The following ROBO2 variants were observed in gnomAD, a reference collection of about 807,000 sequenced individuals.
The protein encoded by ROBO2 is roundabout guidance receptor 2.
ROBO2 carries 53 observed loss-of-function variants against 160.8 expected under a neutral mutation model. The observed-to-expected ratio is 0.33, with a 90% CI of 0.26 to 0.41. The LOEUF (loss-of-function observed/expected upper bound fraction) is 0.41. Among genes scored for constraint, ROBO2 ranks in the 10% least tolerant of loss-of-function variants. The pLI is 1.00. For synonymous variants in ROBO2, 664 were observed against 611.7 expected, an observed-to-expected ratio of 1.09 and a Z score of -1.26; for missense variants, 1,577 against 1,722.4, an observed-to-expected ratio of 0.92 and a Z score of 1.49.
intron 2 of ROBO2, among the ~76,000 whole-genome samples, chr3:76,751,303 C>G (rs2060627871): frequency 6.6e-6 from 1 of 152,038 alleles, no homozygotes; most frequent in Non-Finnish European, 1.5e-5. Context: ...AAAACTAATT[C>G]AAGATGGATT....
chr3:77,068,657 T>C lies in ROBO2; in HGVS notation c.61+27811T>C, dbSNP rs143853958. Among the ~76,000 whole-genome samples, 91 of 152,200 alleles carry C rather than the reference T, an allele frequency of 6.0e-4. No individual in the cohort carries two copies. The Middle Eastern group carries it at 0.014, about 23-fold the overall frequency. On this transcript the variant is annotated intron_variant, in intron 1 of 25. Transcript: ENST00000461745. ...TTACTGATTTGTGAGAAAGAATGAA[T>C]GGCAACAAAAGAGCATGAGGGAGGG...
intron 2 of ROBO2, among the ~76,000 whole-genome samples, chr3:76,333,335 C>T (rs1015143457): frequency 6.6e-6 from 1 of 152,110 alleles, no homozygotes; most frequent in Non-Finnish European, 1.5e-5. Context: ...ACTCTCTTTC[C>T]CTTCTGCAAG....
intron 2 of ROBO2, among the ~76,000 whole-genome samples, chr3:76,790,402 G>C (rs1222907253): frequency 6.6e-6 from 1 of 151,712 alleles, no homozygotes. Context: ...TTTCAAACAT[G>C]ACTGCAATGG....
chr3:77,331,298 A>G (rs2065939168), intron 2 of ROBO2, among the ~76,000 whole-genome samples: 1 of 152,226 alleles, frequency 6.6e-6, no homozygotes, highest in African/African-American at 2.4e-5. Flanking sequence ...CATCTTAGGA[A>G]CCAGGCAATA....
chr3:75,942,795 G>A (rs78174715), intron 2 of ROBO2, among the ~76,000 whole-genome samples: 1 of 152,110 alleles, frequency 6.6e-6, no homozygotes, highest in Non-Finnish European at 1.5e-5. Context: ...TTTAAAGACA[G>A]TATACTTTTG....
chr3:76,745,896 A>T (rs967149516), intron 2 of ROBO2, among the ~76,000 whole-genome samples: 45 of 150,310 alleles, frequency 3.0e-4, no homozygotes, highest in Non-Finnish European at 5.9e-5. Context: ...GGTTAGTTAC[A>T]TATGTATACA....
intron 2 of ROBO2, among the ~76,000 whole-genome samples, chr3:76,120,236 A>AGGTGATCCGCCCACCTCGGCCT (rs1220694899): frequency 6.6e-6 from 1 of 152,014 alleles, no homozygotes; most frequent in Non-Finnish European, 1.5e-5. Context: ...TCCTGACCTC[A>AGGTGATCCGCCCACCTCGGCCT]GGTGATCCGC....
intron 2 of ROBO2, among the ~76,000 whole-genome samples, chr3:77,337,887 T>G (rs1192232248): frequency 6.6e-6 from 1 of 152,178 alleles, no homozygotes; most frequent in Non-Finnish European, 1.5e-5. Context: ...TTCTGCTTCC[T>G]TGGCAGAAAA....
At chr3:76,548,574 GA>G (rs1274876724) in intron 2 of ROBO2, among the ~76,000 whole-genome samples, 1 of 151,608 alleles carries the variant, frequency 6.6e-6, no homozygotes, top group East Asian at 1.9e-4. Flanking sequence ...GAAATCTTGA[GA>G]AATAAATATG....
intron 2 of ROBO2, among the ~76,000 whole-genome samples, chr3:77,293,873 A>T (rs2061647393): frequency 7.0e-6 from 1 of 141,884 alleles, no homozygotes; most frequent in Non-Finnish European, 1.5e-5. Flanking sequence ...CCCAGATGTA[A>T]AGTAAAATTG....
intron 2 of ROBO2, among the ~76,000 whole-genome samples, chr3:76,548,424 A>G (rs943930808): frequency 1.3e-5 from 2 of 152,150 alleles, no homozygotes; most frequent in South Asian, 2.1e-4. Context: ...ACAGAAGCCA[A>G]TGGCACCCTG....
chr3:77,051,964 T>C (rs1187497883), intron 1 of ROBO2, among the ~76,000 whole-genome samples: 1 of 152,252 alleles, frequency 6.6e-6, no homozygotes, highest in Non-Finnish European at 1.5e-5. Flanking sequence ...AACAGAATTA[T>C]TTAGCATTTA....
chr3:76,403,591 C>G (rs2077971740), intron 2 of ROBO2, among the ~76,000 whole-genome samples: 2 of 151,634 alleles, frequency 1.3e-5, no homozygotes, highest in South Asian at 4.1e-4. Context: ...GTTTACTCCA[C>G]TACATAGGTG....
At chr3:76,067,864 A>G (rs1235456878) in intron 2 of ROBO2, among the ~76,000 whole-genome samples, 1 of 152,176 alleles carries the variant, frequency 6.6e-6, no homozygotes, top group Non-Finnish European at 1.5e-5. Flanking sequence ...TTTATCTGGC[A>G]AACTTACTGA....
At chr3:76,730,171 C>G (rs956483340) in intron 2 of ROBO2, among the ~76,000 whole-genome samples, 30 of 151,354 alleles carry the variant, frequency 2.0e-4, no homozygotes, top group Non-Finnish European at 4.1e-4. Flanking sequence ...CCCCAACCCA[C>G]TTTTCCTCAC....
chr3:77,011,358 A>G (rs538335689), intron 2 of ROBO2, among the ~76,000 whole-genome samples: 1 of 152,290 alleles, frequency 6.6e-6, no homozygotes, highest in Non-Finnish European at 1.5e-5. Flanking sequence ...CATGCAAATT[A>G]AAATAAGTAT....
chr3:76,827,308 A>G (rs1056384929), intron 2 of ROBO2, among the ~76,000 whole-genome samples: 1 of 152,180 alleles, frequency 6.6e-6, no homozygotes, highest in African/African-American at 2.4e-5. Context: ...ATGAATGAAT[A>G]TATCTAATCT....
intron 2 of ROBO2, among the ~76,000 whole-genome samples, chr3:76,937,382 GAAT>G (rs2077776484): frequency 6.6e-6 from 1 of 151,742 alleles, no homozygotes; most frequent in Admixed American, 6.6e-5. Flanking sequence ...AAATTTACTG[GAAT>G]AATATCAAGA....
At chr3:76,234,268 G>A (rs1704800398) in intron 2 of ROBO2, among the ~76,000 whole-genome samples, 1 of 152,160 alleles carries the variant, frequency 6.6e-6, no homozygotes, top group Non-Finnish European at 1.5e-5. Flanking sequence ...GTGCAGCAAT[G>A]AACATATGTC....
Sources: allele counts gnomAD v4.1 joint callset (sites outside exome capture counted in the v4.1 genomes callset), GRCh38; gene constraint gnomAD v4.1.1; transcripts MANE v1.5; gene names NCBI Gene and HGNC (gene_info 2026-07-23, HGNC 2026-07-21).